Variants in MAP4K1 observed in about 807,000 individuals in gnomAD.
MAP4K1 encodes mitogen-activated protein kinase kinase kinase kinase 1, also known as MAPK/ERK kinase kinase kinase 1.
Under a neutral mutation model 122.8 loss-of-function variants are expected in MAP4K1, and 35 were observed. The observed-to-expected ratio is 0.29, with a 90% confidence interval of 0.22 to 0.38. MAP4K1 has a LOEUF of 0.38. Among genes scored for constraint, MAP4K1 ranks in the 10% least tolerant of loss-of-function variants. MAP4K1 has a pLI of 1.00. For missense variants in MAP4K1, 791 were observed against 1,072.6 expected (o/e 0.74, Z 3.67); for synonymous variants, 412 against 421.3 (o/e 0.98, Z 0.27).
intron 8 of MAP4K1, 129 bp downstream of exon 8, chr19:38,613,751 T>G: frequency 5.8e-6 from 4 of 688,148 alleles, no homozygotes; most frequent in South Asian, 1.9e-5. Flanking sequence ...CCAGAGAGAA[T>G]GAAAGAATCT....
chr19:38,602,707 T>C (rs1253464528), intron 19 of MAP4K1, among the ~76,000 whole-genome samples: 1 of 148,366 alleles, frequency 6.7e-6, no homozygotes, highest in Non-Finnish European at 1.5e-5. Context: ...CATATACATG[T>C]ATACATATAT....
intron 13 of MAP4K1, 126 bp from the exon 14 acceptor site, chr19:38,608,296 T>C: frequency 2.0e-6 from 1 of 506,650 alleles, no homozygotes; most frequent in Non-Finnish European, 3.5e-6. Flanking sequence ...CTGCAAATGA[T>C]CTCAGGGAAC....
chr19:38,617,953 T>C lies in MAP4K1; in HGVS notation c.-58A>G, dbSNP rs553696957. ...GGCCAGCAGGGCCTCAGGGCTCAACTTCTGGCACCTCCCTCCGTCCCCAGA... is the reference window on the plus strand; with the variant it reads ...GGCCAGCAGGGCCTCAGGGCTCAACCTCTGGCACCTCCCTCCGTCCCCAGA... On this transcript the variant is annotated 5_prime_UTR_variant, in exon 1 of 31. Coordinates refer to ENST00000396857, the MANE Select transcript of MAP4K1 (RefSeq NM_001042600.3). The surrounding 1 kb of genome is among the most constrained non-coding windows in gnomAD (Gnocchi z 4.1). 983 of 1,426,640 alleles carry C rather than the reference T, an allele frequency of 6.9e-4. No individual in the cohort carries two copies. The highest frequency in any genetic ancestry group is 9.5e-4 in the Non-Finnish European group (959 of 1,011,698). 88.4% of individuals were successfully genotyped at this position (1,426,640 alleles called of 1,614,324 possible).
At chr19:38,592,567 T>A (rs1388723630) in intron 30 of MAP4K1, 2 of 140,956 alleles carry the variant, frequency 1.4e-5, no homozygotes, top group Non-Finnish European at 3.1e-5. Flanking sequence ...ACAGCGAGAC[T>A]CTGTGTCAAA....
intron 27 of MAP4K1, 63 bp downstream of exon 27, chr19:38,595,876 G>A: frequency 6.3e-7 from 1 of 1,582,660 alleles, no homozygotes; most frequent in Non-Finnish European, 8.7e-7. Flanking sequence ...CAAGTTCGGA[G>A]GCAGAGATCT....
intron 16 of MAP4K1, 102 bp from the exon 17 acceptor site, chr19:38,606,317 T>G: frequency 1.6e-6 from 1 of 615,936 alleles, no homozygotes; most frequent in Non-Finnish European, 2.9e-6. Context: ...GGGTCTGAGG[T>G]GAGGAGGATT....
At position 38,599,940 on chromosome 19, in the gene MAP4K1, G is replaced by C. The variant is rs1188283503; in HGVS notation, c.1654C>G (p.Leu552Val). ...TTWVYSINNV[L>V]MSLSGKTPHL... Reference sequence around the variant, plus strand: ...ACAGCCAGACCTGAGAGAGACATGAGAACGTTGTTGATGGAGTACACCCAC... The same window carrying C: ...ACAGCCAGACCTGAGAGAGACATGACAACGTTGTTGATGGAGTACACCCAC... The change falls in exon 22 of 31, where the codon CTC becomes GTC. Residue 552 changes from leucine (L) to valine (V), a missense_variant. By Grantham distance (32) the Leu-to-Val change is conservative. Coordinates refer to ENST00000396857, the MANE Select transcript of MAP4K1 (RefSeq NM_001042600.3). 6.2e-7 allele frequency: 1 copy of C among 1,613,998 alleles called. No individual in the cohort carries two copies. The highest frequency in any genetic ancestry group is 8.5e-7 in the Non-Finnish European group (1 of 1,180,016).
At chr19:38,599,316 C>G (rs1459694344) in intron 22 of MAP4K1, among the ~76,000 whole-genome samples, 1 of 145,928 alleles carries the variant, frequency 6.9e-6, no homozygotes, top group Non-Finnish European at 1.5e-5. Flanking sequence ...CCCCTGCACT[C>G]CAGCCTGGGC....
At chr19:38,609,427 G>A (rs1051330518) in intron 13 of MAP4K1, among the ~76,000 whole-genome samples, 169 bp downstream of exon 13, 3 of 152,078 alleles carry the variant, frequency 2.0e-5, no homozygotes, top group East Asian at 3.9e-4. Context: ...GAGTCACCAC[G>A]CCTGGCCTCT....
rs1264468503 is a variant in MAP4K1, at chr19:38,597,771, T to C, written c.1670-177A>G. Among the ~76,000 whole-genome samples, 1 of 152,148 alleles carries C rather than the reference T, an allele frequency of 6.6e-6. No homozygotes were observed. The highest frequency in any genetic ancestry group is 2.4e-5 in the African/African-American group (1 of 41,440). ...CACTCCACATAGATTGAACGTCCAT[T>C]GTAGGCCAGGCCTGCTGTGCTTGGC... On this transcript the variant is annotated intron_variant, in intron 22 of 30. Coordinates refer to ENST00000396857, the MANE Select transcript of MAP4K1 (RefSeq NM_001042600.3). The surrounding 1 kb of genome is among the most constrained non-coding windows in gnomAD (Gnocchi z 4.6).
chr19:38,605,751 C>T lies in MAP4K1; in HGVS notation c.1201-21G>A, dbSNP rs779988635. 10 of 1,597,150 alleles carry T rather than the reference C, an allele frequency of 6.3e-6. No individual in the cohort carries two copies. In the Admixed American group the frequency reaches 1.1e-4, roughly 18 times the overall value. ...TTGGGCTTTGGAGACGGGAATGGAG[C>T]GTGGGGAAATACATCAGATGATCTC... On this transcript the variant is annotated intron_variant, in intron 17 of 30. Transcript: ENST00000396857.
chr19:38,596,974 G>A, intron 25 of MAP4K1, 60 bp downstream of exon 25: 2 of 1,485,784 alleles, frequency 1.3e-6, no homozygotes, highest in Non-Finnish European at 1.9e-6. Flanking sequence ...GAAGCGCAAA[G>A]GGTGCAAGGC....
rs760314138 is a variant in MAP4K1, at chr19:38,601,470, G to A, written c.1502C>T (p.Thr501Met). ...FNGCPLRIHS[T>M]AAWTHPSTKD... ...GGTGGAGGGATGTGTCCAGGCGGCC[G>A]TGCTGTGGATCCGGAGGGGGCAGCC... is the stretch of plus-strand genomic sequence containing the variant. Residue 501 changes from threonine to methionine, a missense_variant, in exon 20 of 31, where the codon ACG (threonine) becomes ATG (methionine). Physicochemically the swap from Thr to Met is moderately conservative, Grantham distance 81. This residue lies in a region of MAP4K1 where 58 missense variants were observed against 118.7 expected (regional missense o/e 0.49). Coordinates refer to ENST00000396857, the MANE Select transcript of MAP4K1 (RefSeq NM_001042600.3). 8.7e-6 allele frequency: 14 copies of A among 1,610,162 alleles called. No individual in the cohort carries two copies. The highest frequency in any genetic ancestry group is 2.7e-5 in the African/African-American group (2 of 74,806).
rs115552300 is a variant in MAP4K1, at chr19:38,606,160, C to G, written c.1200+13G>C. 5.0e-3 allele frequency: 7,921 copies of G among 1,580,864 alleles called. 260 individuals are homozygous for G. In the African/African-American group the frequency reaches 0.085, roughly 17 times the overall value. On this transcript the variant is annotated intron_variant, in intron 17 of 30. Coordinates refer to ENST00000396857, the MANE Select transcript of MAP4K1 (RefSeq NM_001042600.3). ...TGAGGCCCCAGCCTCCCAGCTCTGG[C>G]CCAGGGCCTTACCTTGGGGGGAAGT...
In MAP4K1 at chr19:38,605,666, G is replaced by A. The variant is rs745816882; in HGVS notation, c.1265C>T (p.Pro422Leu). Residue 422 changes from proline to leucine, a missense_variant, in exon 18 of 31, where the codon CCG becomes CTG. By Grantham distance (98) the Pro-to-Leu change is moderately conservative. Transcript: ENST00000396857. ...ACTGGCACACCGGACCAGCACCCCC[G>A]GGCTCAGCTGCCCATCATCCCCCAT... ...GSMGDDGQLS[P>L]GVLVRCASGP... 5.0e-6 allele frequency: 8 copies of A among 1,605,540 alleles called. No homozygotes were observed. The highest frequency in any genetic ancestry group is 3.5e-5 in the Admixed American group (2 of 57,084).
chr19:38,589,320 CAAACAAA>C (rs1462221543), intron 30 of MAP4K1: 1 of 262,160 alleles, frequency 3.8e-6, no homozygotes. Flanking sequence ...CAACAAAAGA[CAAACAAA>C]AAACAATAAA....
chr19:38,601,539 C>G lies in MAP4K1; in HGVS notation c.1447-14G>C. ...AAGGGCACATCCCTGGGCAGGTCGC[C>G]GCGGGGCCAGGCAGCAGATCCGGCA... On this transcript the variant is annotated splice_polypyrimidine_tract_variant and intron_variant, in intron 19 of 30. Coordinates refer to ENST00000396857, the MANE Select transcript of MAP4K1 (RefSeq NM_001042600.3). 6.3e-7 allele frequency: 1 copy of G among 1,592,914 alleles called. No homozygotes were observed. The highest frequency in any genetic ancestry group is 2.3e-5 in the East Asian group (1 of 44,252).
At chr19:38,605,759 A>G (rs1251742967) in intron 17 of MAP4K1, 29 bp from the exon 18 acceptor site, 3 of 1,590,470 alleles carry the variant, frequency 1.9e-6, no homozygotes, top group Non-Finnish European at 2.6e-6. Context: ...AGCGTGGGGA[A>G]ATACATCAGA....
At chr19:38,601,566 A>T (rs1470916686) in intron 19 of MAP4K1, 41 bp from the exon 20 acceptor site, 1 of 1,494,748 alleles carries the variant, frequency 6.7e-7, no homozygotes. Context: ...GATCCGGCAA[A>T]GAGAGCAGGG....
Sources: gnomAD v4.1 joint callset for allele counts (sites outside exome capture counted in the v4.1 genomes callset) on GRCh38, gnomAD v4.1.1 for gene constraint, gnomAD v4.1.1 regional missense constraint, Gnocchi (gnomAD v3.1) non-coding constraint, MANE v1.5 for transcripts, NCBI Gene and HGNC (gene_info 2026-07-23, HGNC 2026-07-21) for gene names.